Variants in WHRN observed in about 807,000 individuals in gnomAD.
WHRN encodes the protein CASK-interacting protein CIP98.
Under a neutral mutation model 68.3 loss-of-function variants are expected in WHRN, and 41 were observed. The observed-to-expected ratio is 0.60, with a 90% CI of 0.47 to 0.78. WHRN has a LOEUF of 0.78. WHRN is among the 30% of genes least tolerant of loss of function. The pLI is 0.00. For missense variants in WHRN, 1,243 were observed against 1,244.7 expected (o/e 1.00, Z 0.02); for synonymous variants, 560 against 561.3 (o/e 1.00, Z 0.03).
intron 2 of WHRN, among the ~76,000 whole-genome samples, chr9:114,467,686 C>T (rs150635944): frequency 4.3e-4 from 65 of 152,198 alleles, no homozygotes; most frequent in Non-Finnish European, 6.9e-4. Context: ...GATTCTAGAA[C>T]GGTTCCTAAT....
intron 9 of WHRN, among the ~76,000 whole-genome samples, chr9:114,404,912 T>C (rs4979379): frequency 0.2 from 30,567 of 151,650 alleles, 3,563 homozygotes; most frequent in East Asian, 0.33. Flanking sequence ...GCCCGGCTGT[T>C]ATACACATAG....
At chr9:114,444,307 G>A (rs1838635272) in intron 3 of WHRN, among the ~76,000 whole-genome samples, 1 of 152,042 alleles carries the variant, frequency 6.6e-6, no homozygotes, top group South Asian at 2.1e-4. Context: ...TGGTTATACA[G>A]AATTTAAATT....
At chr9:114,462,706 C>T (rs1180069117) in intron 3 of WHRN, among the ~76,000 whole-genome samples, 1 of 152,228 alleles carries the variant, frequency 6.6e-6, no homozygotes, top group Non-Finnish European at 1.5e-5. Flanking sequence ...GTTAAAATCT[C>T]AGTTCTAGCA....
intron 3 of WHRN, among the ~76,000 whole-genome samples, chr9:114,430,654 G>A (rs956212329): frequency 9.9e-5 from 15 of 152,206 alleles, no homozygotes; most frequent in South Asian, 2.1e-4. Flanking sequence ...TTGGCTGTGC[G>A]AGTCACATTG....
intron 1 of WHRN, among the ~76,000 whole-genome samples, chr9:114,498,011 A>T (rs1399249771): frequency 1.3e-5 from 2 of 152,132 alleles, no homozygotes; most frequent in Non-Finnish European, 2.9e-5. Context: ...GGCTTTTTTC[A>T]GTGTTTTTGT....
intron 4 of WHRN, chr9:114,425,823 C>T (rs1013070754): frequency 3.1e-6 from 1 of 324,576 alleles, no homozygotes; most frequent in African/African-American, 2.1e-5. Context: ...TGGGATCCAG[C>T]CTGGTGGCCT....
intron 3 of WHRN, among the ~76,000 whole-genome samples, chr9:114,437,709 G>A (rs930256135): frequency 6.6e-6 from 1 of 152,228 alleles, no homozygotes; most frequent in Non-Finnish European, 1.5e-5. Context: ...ATCAGGAACT[G>A]AACTGGCCAA....
chr9:114,456,709 AG>A (rs1313772209), intron 3 of WHRN, among the ~76,000 whole-genome samples: 1 of 151,970 alleles, frequency 6.6e-6, no homozygotes, highest in African/African-American at 2.4e-5. Context: ...GCATGTCTGT[AG>A]TGTCAGCTCC....
chr9:114,427,113 C>T (rs899988841), intron 3 of WHRN, among the ~76,000 whole-genome samples: 2 of 152,064 alleles, frequency 1.3e-5, no homozygotes, highest in Non-Finnish European at 2.9e-5. Flanking sequence ...TAATAATAGC[C>T]GGGCACAGTC....
intron 1 of WHRN, among the ~76,000 whole-genome samples, chr9:114,480,184 G>C (rs1351610209): frequency 6.6e-6 from 1 of 152,112 alleles, no homozygotes. Context: ...ACCGTGAGGA[G>C]AGGCAAGCCC....
intron 7 of WHRN, among the ~76,000 whole-genome samples, chr9:114,412,667 A>C (rs1367931409): frequency 6.6e-6 from 1 of 152,156 alleles, no homozygotes; most frequent in Non-Finnish European, 1.5e-5. Context: ...AGTTCAGCAA[A>C]TTCCCTTTTT....
rs138607857 is a variant in WHRN, at chr9:114,437,313, A to G, written c.964-10900T>C. The stretch of plus-strand genomic sequence containing the variant: ...ATTTATAGGCATTAAGAGAAAAAAT[A>G]GATAAGTTCATCTATACCCTGGGCA... On this transcript the variant is annotated intron_variant, in intron 3 of 11. Transcript: ENST00000362057. 5.4e-3 allele frequency among the ~76,000 whole-genome samples: 818 copies of G among 152,378 alleles called. 5 individuals are homozygous for G. The highest frequency in any genetic ancestry group is 9.6e-3 in the Non-Finnish European group (650 of 68,042).
rs59992011 is a variant in WHRN, at chr9:114,486,814, CAAAAAA to C, written c.619-8049_619-8044del. On this transcript the variant is annotated intron_variant, in intron 1 of 11. Coordinates refer to ENST00000362057, the MANE Select transcript of WHRN (RefSeq NM_015404.4). The stretch of plus-strand genomic sequence containing the variant: ...CCAATCTGTGCCCCAGCTTCCCAGG[CAAAAAA>C]AAAAAAAAAAAAAGAGAGAAATAAC... Among the ~76,000 whole-genome samples the C allele has an allele frequency of 8.4e-5, 6 of 71,194 alleles. 1 individual carries two copies. The highest frequency in any genetic ancestry group is 2.4e-4 in the African/African-American group (4 of 16,888). The allele number at this position is 71,194 out of a possible 152,430, so 46.7% of individuals were successfully genotyped here.
chr9:114,448,795 C>G lies in WHRN; in HGVS notation c.963+17472G>C, dbSNP rs188482238. Among the ~76,000 whole-genome samples, 3 of 152,290 alleles carry G rather than the reference C, an allele frequency of 2.0e-5. No homozygotes were observed. In the East Asian group the frequency reaches 5.8e-4, roughly 29 times the overall value. Reference sequence around the variant, plus strand: ...CAGGCTTCCAGATGATTCCAGCACCCAGATGTTGAGTGTTCCAGCTGCGGC... The same window carrying G: ...CAGGCTTCCAGATGATTCCAGCACCGAGATGTTGAGTGTTCCAGCTGCGGC... On this transcript the variant is annotated intron_variant, in intron 3 of 11. Coordinates refer to ENST00000362057, the MANE Select transcript of WHRN (RefSeq NM_015404.4).
intron 3 of WHRN, among the ~76,000 whole-genome samples, chr9:114,434,141 A>C (rs111499680): frequency 1.3e-5 from 2 of 152,168 alleles, no homozygotes; most frequent in Admixed American, 6.5e-5. Context: ...ACAATTACCA[A>C]CCCCAAGTGC....
chr9:114,431,042 T>C (rs942505036), intron 3 of WHRN, among the ~76,000 whole-genome samples: 27 of 152,336 alleles, frequency 1.8e-4, no homozygotes, highest in Admixed American at 1.0e-3. Context: ...ATCACTGTGA[T>C]GTAGAGTCCA....
chr9:114,448,213 T>C (rs915272576), intron 3 of WHRN, among the ~76,000 whole-genome samples: 3 of 152,046 alleles, frequency 2.0e-5, no homozygotes, highest in African/African-American at 7.2e-5. Context: ...TCTGCCCGTA[T>C]AAGAGAACGG....
chr9:114,407,851 T>G, intron 8 of WHRN, 96 bp downstream of exon 8: 1 of 1,060,476 alleles, frequency 9.4e-7, no homozygotes, highest in East Asian at 2.6e-5. Context: ...TTTGCCACCC[T>G]GTGCCCTTTC....
intron 1 of WHRN, chr9:114,503,139 G>A (rs1844076351): frequency 1.0e-6 from 1 of 985,466 alleles, no homozygotes; most frequent in African/African-American, 1.7e-5. Context: ...CACTCAGGAG[G>A]AAGTAGTCGT....
Sources: gnomAD v4.1 joint callset for allele counts (sites outside exome capture counted in the v4.1 genomes callset) on GRCh38, gnomAD v4.1.1 for gene constraint, MANE v1.5 for transcripts, NCBI Gene and HGNC (gene_info 2026-07-23, HGNC 2026-07-21) for gene names.